PLPP4: variants seen among roughly 807,000 people sequenced by gnomAD.
PLPP4 encodes diacylglycerol pyrophosphate like 2.
PLPP4 carries 20 observed loss-of-function variants against 32.2 expected under a neutral mutation model. That is an observed-to-expected ratio of 0.62 (90% CI 0.44 to 0.90). The LOEUF is 0.90. PLPP4 is among the 40% of genes least tolerant of loss of function. PLPP4 has a pLI of 0.00. For missense variants in PLPP4, 257 were observed against 353.1 expected (o/e 0.73, Z 2.18); for synonymous variants, 127 against 133.0 (o/e 0.95, Z 0.31).
In PLPP4 at chr10:120,523,256, T is replaced by G. The variant is rs1015665540; in HGVS notation, c.445+2161T>G. On this transcript the variant is annotated intron_variant, in intron 5 of 6. Coordinates refer to ENST00000398250, the MANE Select transcript of PLPP4 (RefSeq NM_001030059.3). ...GTCAGAGGTTACAGTGACCTAAGAT[T>G]GTGCCAGTGTACTCCAGCCTGGCAA... Among the ~76,000 whole-genome samples, 4 of 151,876 alleles carry G rather than the reference T, an allele frequency of 2.6e-5. No individual in the cohort carries two copies. In the South Asian group the frequency reaches 8.4e-4, roughly 32 times the overall value.
At chr10:120,465,754 G>A (rs1008661189) in intron 1 of PLPP4, among the ~76,000 whole-genome samples, 16 of 152,010 alleles carry the variant, frequency 1.1e-4, no homozygotes, top group African/African-American at 3.6e-4. Context: ...AAAACTACCC[G>A]ATCTACCAAG....
chr10:120,547,688 T>TGA lies in PLPP4; in HGVS notation c.445+26593_445+26594insGA, dbSNP rs540642300. Among the ~76,000 whole-genome samples, 34 of 152,314 alleles carry TGA rather than the reference T, an allele frequency of 2.2e-4. 1 individual carries two copies. The South Asian group carries it at 4.1e-3, about 19-fold the overall frequency. On this transcript the variant is annotated intron_variant, in intron 5 of 6. Coordinates refer to ENST00000398250, the MANE Select transcript of PLPP4 (RefSeq NM_001030059.3). Reference sequence around the variant, plus strand: ...TTTATCGCAGTTTCATGAGGCACCATACCTTTCCAAAGGTTGACTGCTCCA... The same window carrying TGA: ...TTTATCGCAGTTTCATGAGGCACCATGAACCTTTCCAAAGGTTGACTGCTCCA...
chr10:120,554,987 TATC>T (rs997482148), intron 5 of PLPP4, among the ~76,000 whole-genome samples: 1 of 152,006 alleles, frequency 6.6e-6, no homozygotes, highest in Non-Finnish European at 1.5e-5. Context: ...TTGGGACAGG[TATC>T]ATATGTCTGC....
intron 5 of PLPP4, among the ~76,000 whole-genome samples, chr10:120,524,316 G>GGT (rs1295248598): frequency 6.6e-6 from 1 of 152,046 alleles, no homozygotes; most frequent in African/African-American, 2.4e-5. Flanking sequence ...CCTCAGAGGG[G>GGT]GTGACCTAAG....
intron 5 of PLPP4, among the ~76,000 whole-genome samples, chr10:120,536,470 A>T (rs1409354028): frequency 1.3e-5 from 2 of 152,034 alleles, no homozygotes; most frequent in African/African-American, 4.8e-5. Flanking sequence ...GGTATTGGGA[A>T]AATTGGATAT....
At chr10:120,492,679 A>G (rs1844775472) in intron 1 of PLPP4, among the ~76,000 whole-genome samples, 1 of 152,018 alleles carries the variant, frequency 6.6e-6, no homozygotes, top group Non-Finnish European at 1.5e-5. Flanking sequence ...AGGGGTTTCA[A>G]CTCCACAGCT....
intron 1 of PLPP4, among the ~76,000 whole-genome samples, chr10:120,457,713 T>C (rs933731469): frequency 1.3e-5 from 2 of 152,128 alleles, no homozygotes; most frequent in Non-Finnish European, 2.9e-5. Flanking sequence ...AAGTTTCTCC[T>C]TCTGTGTGAT....
chr10:120,463,279 G>A (rs912277568), intron 1 of PLPP4, among the ~76,000 whole-genome samples: 1 of 152,084 alleles, frequency 6.6e-6, no homozygotes, highest in African/African-American at 2.4e-5. Context: ...GCCCACCTTG[G>A]CCTCCCAAAG....
intron 6 of PLPP4, among the ~76,000 whole-genome samples, chr10:120,578,440 C>A (rs966601966): frequency 3.9e-5 from 6 of 152,174 alleles, no homozygotes; most frequent in Non-Finnish European, 7.3e-5. Context: ...AACTCAAGTC[C>A]CCCTCATTAT....
intron 2 of PLPP4, among the ~76,000 whole-genome samples, chr10:120,507,151 G>A (rs1052026964): frequency 6.6e-6 from 1 of 152,138 alleles, no homozygotes; most frequent in African/African-American, 2.4e-5. Context: ...TGTACATTCA[G>A]GGGACATTTT....
At chr10:120,473,937 T>G (rs1468878734) in intron 1 of PLPP4, among the ~76,000 whole-genome samples, 1 of 152,234 alleles carries the variant, frequency 6.6e-6, no homozygotes, top group Admixed American at 6.5e-5. Flanking sequence ...AGGTAGTTTT[T>G]TATAGCAATG....
At chr10:120,581,194 C>T (rs1273250882) in intron 6 of PLPP4, 13 of 985,420 alleles carry the variant, frequency 1.3e-5, no homozygotes, top group Middle Eastern at 5.2e-4. Flanking sequence ...GGAAGATGGA[C>T]GTTGATTGCT....
chr10:120,569,965 G>A (rs1260747114), intron 5 of PLPP4, among the ~76,000 whole-genome samples: 1 of 152,142 alleles, frequency 6.6e-6, no homozygotes, highest in East Asian at 1.9e-4. Flanking sequence ...TCTATTTAAA[G>A]AGAACACATA....
In PLPP4 at chr10:120,576,515, C is replaced by T. The variant is rs532320973; in HGVS notation, c.616+1214C>T. Among the ~76,000 whole-genome samples the T allele has an allele frequency of 6.0e-4, 92 of 152,338 alleles. 1 individual carries two copies. The highest frequency in any genetic ancestry group is 2.1e-3 in the African/African-American group (88 of 41,584). On this transcript the variant is annotated intron_variant, in intron 6 of 6. Coordinates refer to ENST00000398250, the MANE Select transcript of PLPP4 (RefSeq NM_001030059.3). The stretch of plus-strand genomic sequence containing the variant: ...AGACCTTGTGCTCCTTCTAGCACTA[C>T]ACAGCTTCTCCTGTTCCTTCCTGGT...
chr10:120,554,981 G>A (rs1403985242), intron 5 of PLPP4, among the ~76,000 whole-genome samples: 1 of 152,032 alleles, frequency 6.6e-6, no homozygotes, highest in Non-Finnish European at 1.5e-5. Flanking sequence ...TGCCACTTGG[G>A]ACAGGTATCA....
At chr10:120,577,712 T>C (rs1210002956) in intron 6 of PLPP4, among the ~76,000 whole-genome samples, 2 of 152,196 alleles carry the variant, frequency 1.3e-5, no homozygotes, top group Admixed American at 6.5e-5. Flanking sequence ...TGAATGTGCA[T>C]CTCTTGGTAC....
At chr10:120,482,856 G>A (rs1844271702) in intron 1 of PLPP4, among the ~76,000 whole-genome samples, 1 of 152,126 alleles carries the variant, frequency 6.6e-6, no homozygotes. Context: ...AGCTTGCTGT[G>A]AGCCGAGATC....
intron 5 of PLPP4, among the ~76,000 whole-genome samples, chr10:120,546,062 T>C (rs1847600244): frequency 6.6e-6 from 1 of 152,192 alleles, no homozygotes; most frequent in Non-Finnish European, 1.5e-5. Flanking sequence ...TGCCAGGGGC[T>C]CTCGGGCCTA....
intron 5 of PLPP4, among the ~76,000 whole-genome samples, chr10:120,528,843 A>T (rs1571098): frequency 0.99 from 151,362 of 152,296 alleles, 75,220 homozygotes; most frequent in East Asian, 1. Flanking sequence ...TTAGATTTTT[A>T]AAAAATAATT....
Sources: gnomAD v4.1 joint callset for allele counts (sites outside exome capture counted in the v4.1 genomes callset) on GRCh38, gnomAD v4.1.1 for gene constraint, MANE v1.5 for transcripts, NCBI Gene and HGNC (gene_info 2026-07-23, HGNC 2026-07-21) for gene names.